The following SND1 variants were observed in gnomAD, a reference collection of about 807,000 sequenced individuals.
SND1 encodes staphylococcal nuclease domain-containing protein 1.
In SND1, 38 loss-of-function variants were observed where a neutral mutation model predicts 121.7. The ratio of observed to expected loss-of-function variants is 0.31; its 90% CI spans 0.24 to 0.41. The LOEUF is 0.41. Among genes scored for constraint, SND1 ranks in the 10% least tolerant of loss-of-function variants. The pLI is 1.00. For missense variants in SND1, 868 were observed against 1,184.6 expected, an observed-to-expected ratio of 0.73 and a Z score of 3.92; for synonymous variants, 401 against 447.4, an observed-to-expected ratio of 0.90 and a Z score of 1.31.
At chr7:127,797,194 A>G (rs1166964522) in intron 10 of SND1, among the ~76,000 whole-genome samples, 3 of 151,936 alleles carry the variant, frequency 2.0e-5, no homozygotes, top group African/African-American at 4.8e-5. Flanking sequence ...TGCCCGGGCT[A>G]TTTTGCTGAT....
rs542324912 is a variant in SND1, at chr7:128,089,615, G to A, written c.2545G>A (p.Gly849Ser). 4 of 1,614,216 alleles carry A rather than the reference G, an allele frequency of 2.5e-6. No homozygotes were observed. Among genetic ancestry groups the A allele is most frequent in the Admixed American group, 3.3e-5 (2 of 60,026 alleles). ...CACCCTGCAGTTTGCAGATTCCAAG[G>A]GCGATGTGGGGCTGGGCTTGGTGAA... The part of the protein sequence containing the change: ...HVTLQFADSK[G>S]DVGLGLVKEG... The change falls in exon 22 of 24, where the codon GGC (glycine) becomes AGC (serine). Residue 849 changes from glycine (G) to serine (S), a missense_variant. By Grantham distance (56) the Gly-to-Ser change is moderately conservative. Transcript: ENST00000354725.
intron 10 of SND1, among the ~76,000 whole-genome samples, chr7:127,793,986 T>A (rs1338886256): frequency 6.6e-6 from 1 of 152,242 alleles, no homozygotes; most frequent in Non-Finnish European, 1.5e-5. Context: ...GCCAGCTGGG[T>A]ACTGCATCTA....
intron 10 of SND1, among the ~76,000 whole-genome samples, chr7:127,740,576 T>C (rs1012304018): frequency 6.6e-6 from 1 of 152,188 alleles, no homozygotes; most frequent in Non-Finnish European, 1.5e-5. Context: ...TAAGAATAGA[T>C]GCTTTTAATG....
chr7:127,882,549 T>C (rs551113963), intron 12 of SND1, among the ~76,000 whole-genome samples: 228 of 152,206 alleles, frequency 1.5e-3, no homozygotes, highest in Non-Finnish European at 1.6e-3. Flanking sequence ...TCAAGGACGA[T>C]AACTTTCTGC....
At chr7:127,866,455 C>CT (rs35914615) in intron 12 of SND1, among the ~76,000 whole-genome samples, 34,300 of 152,028 alleles carry the variant, frequency 0.23, 4,307 homozygotes, top group Middle Eastern at 0.33. Context: ...TTGATGCTGC[C>CT]TAGGTGTTCC....
chr7:127,810,250 T>C (rs933646630), intron 11 of SND1, among the ~76,000 whole-genome samples: 1 of 152,204 alleles, frequency 6.6e-6, no homozygotes, highest in African/African-American at 2.4e-5. Flanking sequence ...GTTATTTAAT[T>C]AGATGTGCAT....
intron 11 of SND1, among the ~76,000 whole-genome samples, chr7:127,830,496 C>G (rs1435861203): frequency 6.6e-6 from 1 of 152,158 alleles, no homozygotes; most frequent in East Asian, 1.9e-4. Flanking sequence ...GGATTCTGTT[C>G]CATGTTTCCC....
intron 17 of SND1, among the ~76,000 whole-genome samples, chr7:128,078,885 C>T (rs1201171386): frequency 6.6e-6 from 1 of 152,120 alleles, no homozygotes; most frequent in East Asian, 1.9e-4. Flanking sequence ...AAGCTCAGTG[C>T]CGGGAAAGGA....
At chr7:127,760,797 A>G (rs569394247) in intron 10 of SND1, among the ~76,000 whole-genome samples, 14 of 152,138 alleles carry the variant, frequency 9.2e-5, no homozygotes, top group Admixed American at 3.3e-4. Flanking sequence ...TCCTTTCTTT[A>G]CTTAAGTTGC....
chr7:127,782,239 C>T (rs1482385770), intron 10 of SND1, among the ~76,000 whole-genome samples: 3 of 152,158 alleles, frequency 2.0e-5, no homozygotes, highest in Non-Finnish European at 4.4e-5. Context: ...AGGATGATCA[C>T]AGTTGAGGTC....
chr7:128,066,949 A>C (rs560713506), intron 16 of SND1, among the ~76,000 whole-genome samples: 1 of 152,154 alleles, frequency 6.6e-6, no homozygotes. Context: ...TTGGGCTCCG[A>C]GTCATTATTC....
At chr7:127,879,986 C>T (rs1313216973) in intron 12 of SND1, among the ~76,000 whole-genome samples, 11 of 152,202 alleles carry the variant, frequency 7.2e-5, no homozygotes, top group Admixed American at 7.2e-4. Context: ...TCCCCTTGAC[C>T]TGCAATTTTA....
chr7:128,023,174 C>A (rs1036245324), intron 16 of SND1, among the ~76,000 whole-genome samples: 1 of 152,110 alleles, frequency 6.6e-6, no homozygotes, highest in African/African-American at 2.4e-5. Flanking sequence ...GAGCTCCATT[C>A]TTCTCTCATT....
At chr7:127,818,105 T>A (rs1798481166) in intron 11 of SND1, among the ~76,000 whole-genome samples, 2 of 152,204 alleles carry the variant, frequency 1.3e-5, no homozygotes, top group Admixed American at 1.3e-4. Context: ...CTCATACTGT[T>A]ATATAATAAT....
chr7:127,936,651 A>G (rs1801068006), intron 15 of SND1, among the ~76,000 whole-genome samples: 1 of 151,944 alleles, frequency 6.6e-6, no homozygotes, highest in Admixed American at 6.5e-5. Flanking sequence ...GGGCTCAAGT[A>G]ATCCTCCCTC....
chr7:128,084,786 G>A lies in SND1; in HGVS notation c.2173G>A (p.Glu725Lys). The change falls in exon 19 of 24, where the codon GAG becomes AAG. Residue 725 changes from glutamate to lysine, a missense_variant. Transcript: ENST00000354725. ...TGACATTGCCAGTCACCCCCCTGTAGAGGGCTCCTATGCCCCCCGCAGGGG... is the reference window on the plus strand; with the variant it reads ...TGACATTGCCAGTCACCCCCCTGTAAAGGGCTCCTATGCCCCCCGCAGGGG... The part of the protein sequence containing the change: ...RNDIASHPPV[E>K]GSYAPRRGEF... 1.9e-6 allele frequency: 3 copies of A among 1,610,636 alleles called. No individual in the cohort carries two copies. Among genetic ancestry groups the A allele is most frequent in the East Asian group, 2.2e-5 (1 of 44,736 alleles).
intron 1 of SND1, among the ~76,000 whole-genome samples, chr7:127,658,528 G>C (rs1562969627): frequency 6.6e-6 from 1 of 152,180 alleles, no homozygotes; most frequent in South Asian, 2.1e-4. Flanking sequence ...ACTTGCCATT[G>C]TTGATATTTC....
chr7:127,890,113 C>T (rs1276262135), intron 13 of SND1, among the ~76,000 whole-genome samples: 1 of 152,028 alleles, frequency 6.6e-6, no homozygotes, highest in Non-Finnish European at 1.5e-5. Context: ...AACTTTTCCC[C>T]GTAGTGGTTG....
At chr7:127,882,983 AAG>A (rs765358275) in intron 12 of SND1, among the ~76,000 whole-genome samples, 7 of 152,166 alleles carry the variant, frequency 4.6e-5, no homozygotes, top group Non-Finnish European at 7.4e-5. Flanking sequence ...TAGAAACAAA[AAG>A]AGAATTAGTG....
Sources: allele counts gnomAD v4.1 joint callset (sites outside exome capture counted in the v4.1 genomes callset), GRCh38; gene constraint gnomAD v4.1.1; transcripts MANE v1.5; gene names NCBI Gene and HGNC (gene_info 2026-07-23, HGNC 2026-07-21).